STX8: variants seen among roughly 807,000 people sequenced by gnomAD.
The protein encoded by STX8 is syntaxin 8, also known as syntaxin-8.
Under a neutral mutation model 37.5 loss-of-function variants are expected in STX8, and 23 were observed. That is an observed-to-expected ratio of 0.61 (90% confidence interval 0.44 to 0.87). The LOEUF is 0.87. Among genes scored for constraint, STX8 ranks in the 40% least tolerant of loss-of-function variants. The pLI is 0.00. For synonymous variants in STX8, 115 were observed against 99.1 expected (o/e 1.16, Z -0.95); for missense variants, 313 against 284.7 (o/e 1.10, Z -0.71).
chr17:9,304,507 C>CAAAAAAAAAAAAAAAAA (rs35673905), intron 7 of STX8, among the ~76,000 whole-genome samples: 8 of 56,872 alleles, frequency 1.4e-4, no homozygotes, highest in East Asian at 5.8e-4. Context: ...GAAACTGTCT[C>CAAAAAAAAAAAAAAAAA]AAAAAAAAAA....
chr17:9,551,070 C>T (rs1200891722), intron 3 of STX8, among the ~76,000 whole-genome samples: 2 of 151,862 alleles, frequency 1.3e-5, no homozygotes, highest in South Asian at 2.1e-4. Context: ...AGTGAAACTC[C>T]GTCTCAAAAA....
At chr17:9,382,663 G>A (rs1911863725) in intron 6 of STX8, among the ~76,000 whole-genome samples, 2 of 152,142 alleles carry the variant, frequency 1.3e-5, no homozygotes, top group Admixed American at 1.3e-4. Context: ...TATGAGAAAG[G>A]TGGCAAAGCT....
At chr17:9,297,878 G>A (rs2531852) in intron 7 of STX8, among the ~76,000 whole-genome samples, 35,241 of 152,092 alleles carry the variant, frequency 0.23, 4,187 homozygotes, top group South Asian at 0.3. Flanking sequence ...TGGGGATGCA[G>A]CAGGAGCATC....
In STX8 at chr17:9,446,857, A is replaced by C. The variant is rs531062775; in HGVS notation, c.541+44972T>G. ...TGCCAAAACAGTTTGTTTTGTAACA[A>C]TGTATGAAGAGAGACAGCTTATTAT... On this transcript the variant is annotated intron_variant, in intron 6 of 7. Transcript: ENST00000306357. 3.4e-4 allele frequency among the ~76,000 whole-genome samples: 52 copies of C among 152,286 alleles called. 1 individual carries two copies. The South Asian group carries it at 8.3e-3, about 24-fold the overall frequency.
At chr17:9,559,731 AT>A (rs1287565066) in intron 2 of STX8, among the ~76,000 whole-genome samples, 3 of 51,630 alleles carry the variant, frequency 5.8e-5, no homozygotes, top group African/African-American at 2.1e-4. Flanking sequence ...GATTATTATT[AT>A]TTTATATATA....
chr17:9,275,792 C>T (rs1455421891), intron 7 of STX8, among the ~76,000 whole-genome samples: 7 of 151,482 alleles, frequency 4.6e-5, no homozygotes, highest in East Asian at 3.9e-4. Context: ...CATTTGAACC[C>T]GGGAAGCAGA....
At chr17:9,548,667 G>T (rs1906647254) in intron 3 of STX8, 1 of 152,120 alleles carries the variant, frequency 6.6e-6, no homozygotes, top group Admixed American at 6.6e-5. Flanking sequence ...TGTTTAGGGG[G>T]CTGATAATGA....
At chr17:9,554,422 T>C (rs1906889337) in intron 3 of STX8, 1 of 152,242 alleles carries the variant, frequency 6.6e-6, no homozygotes, top group Admixed American at 6.5e-5. Flanking sequence ...CAAAAAAATC[T>C]AATAATATGA....
intron 7 of STX8, among the ~76,000 whole-genome samples, chr17:9,367,172 G>GTTTTTTTTT (rs79285740): frequency 7.3e-6 from 1 of 136,670 alleles, no homozygotes; most frequent in African/African-American, 2.6e-5. Flanking sequence ...TGTTTTTTTT[G>GTTTTTTTTT]TTTTTTTTTT....
At chr17:9,333,544 C>T (rs11654705) in intron 7 of STX8, among the ~76,000 whole-genome samples, 26,122 of 151,932 alleles carry the variant, frequency 0.17, 3,543 homozygotes, top group African/African-American at 0.38. Context: ...CCCGCCACCA[C>T]GCCCAGCTAA....
intron 7 of STX8, among the ~76,000 whole-genome samples, chr17:9,335,531 C>T (rs1910106634): frequency 6.6e-6 from 1 of 151,988 alleles, no homozygotes; most frequent in South Asian, 2.1e-4. Flanking sequence ...AACCACAGCA[C>T]ATGTAGACAC....
intron 4 of STX8, among the ~76,000 whole-genome samples, chr17:9,525,916 C>A (rs563500268): frequency 6.6e-6 from 1 of 152,302 alleles, no homozygotes; most frequent in East Asian, 1.9e-4. Flanking sequence ...ATCATGGTTA[C>A]CTTCATTTTC....
At chr17:9,472,137 T>G (rs1281382191) in intron 6 of STX8, among the ~76,000 whole-genome samples, 1 of 151,140 alleles carries the variant, frequency 6.6e-6, no homozygotes, top group Non-Finnish European at 1.5e-5. Context: ...CTGAGGCTGC[T>G]CCACTAAGAG....
chr17:9,332,377 C>G lies in STX8; in HGVS notation c.643+46175G>C, dbSNP rs115594457. On this transcript the variant is annotated intron_variant, in intron 7 of 7. Coordinates refer to ENST00000306357, the MANE Select transcript of STX8 (RefSeq NM_004853.3). ...GGACGGAGTTAACAAATCATCAGAT[C>G]GACGTGCTGCCTTTGGTTAACTTAA... Among the ~76,000 whole-genome samples, 591 of 152,244 alleles carry G rather than the reference C, an allele frequency of 3.9e-3. 7 individuals are homozygous for G. The highest frequency in any genetic ancestry group is 0.013 in the African/African-American group (555 of 41,534).
At chr17:9,570,190 G>C (rs1322560562) in intron 1 of STX8, among the ~76,000 whole-genome samples, 1 of 151,942 alleles carries the variant, frequency 6.6e-6, no homozygotes, top group Non-Finnish European at 1.5e-5. Flanking sequence ...TGAACACTGA[G>C]GGAACTTGAT....
At chr17:9,323,057 G>T (rs1209870970) in intron 7 of STX8, among the ~76,000 whole-genome samples, 1 of 151,852 alleles carries the variant, frequency 6.6e-6, no homozygotes, top group African/African-American at 2.4e-5. Context: ...AAAAAATAGG[G>T]GGTCTTTTCA....
chr17:9,357,142 A>G (rs924642938), intron 7 of STX8, among the ~76,000 whole-genome samples: 1 of 151,240 alleles, frequency 6.6e-6, no homozygotes, highest in African/African-American at 2.4e-5. Flanking sequence ...TAATTTTTGT[A>G]TTTTTAGAGA....
rs144197934 is a variant in STX8 at position 9,269,901 on chromosome 17, C to T, written c.644-19256G>A. On this transcript the variant is annotated intron_variant, in intron 7 of 7. Transcript: ENST00000306357. ...CTTGAAAACACCCGCTCCTCAGGGA[C>T]ACCTCCTCCCCCATGCCCAGGGTAA... Among the ~76,000 whole-genome samples, 777 of 152,322 alleles carry T rather than the reference C, an allele frequency of 5.1e-3. 11 individuals are homozygous for T. Among genetic ancestry groups the T allele is most frequent in the African/African-American group, 0.017 (701 of 41,566 alleles).
At chr17:9,450,229 C>A (rs1904995093) in intron 6 of STX8, among the ~76,000 whole-genome samples, 1 of 150,602 alleles carries the variant, frequency 6.6e-6, no homozygotes, top group Non-Finnish European at 1.5e-5. Flanking sequence ...GTATGCGCCA[C>A]CACGCCCGGC....
Sources: gnomAD v4.1 joint callset for allele counts (sites outside exome capture counted in the v4.1 genomes callset) on GRCh38, gnomAD v4.1.1 for gene constraint, MANE v1.5 for transcripts, NCBI Gene and HGNC (gene_info 2026-07-23, HGNC 2026-07-21) for gene names.